The following STK35 variants were observed in gnomAD, a reference collection of about 807,000 sequenced individuals.
STK35 encodes serine/threonine-protein kinase 35.
Under a neutral mutation model 37.3 loss-of-function variants are expected in STK35, and 17 were observed. The observed-to-expected ratio is 0.46, with a 90% CI of 0.31 to 0.68. STK35 has a LOEUF of 0.68. Among genes scored for constraint, STK35 ranks in the 30% least tolerant of loss-of-function variants. The pLI, the probability that STK35 is intolerant of heterozygous loss-of-function variation, is 0.05. For synonymous variants in STK35, 385 were observed against 319.1 expected (o/e 1.21, Z -2.20); for missense variants, 595 against 746.7 (o/e 0.80, Z 2.37).
At chr20:2,134,805 C>T (rs929252871) in intron 3 of STK35, among the ~76,000 whole-genome samples, 1 of 152,036 alleles carries the variant, frequency 6.6e-6, no homozygotes, top group Non-Finnish European at 1.5e-5. Context: ...GCAGGAGAAT[C>T]GCTTGAACCC....
At chr20:2,103,496 C>T (rs1985450239) in intron 2 of STK35, 131 bp downstream of exon 2, 6 of 829,010 alleles carry the variant, frequency 7.2e-6, no homozygotes, top group African/African-American at 1.7e-5. Context: ...CCTGACACAC[C>T]CTCCTTTCCT....
chr20:2,143,420 A>G lies in STK35; in HGVS notation c.*38-364A>G, dbSNP rs1986202800. 2.0e-5 allele frequency among the ~76,000 whole-genome samples: 3 copies of G among 152,306 alleles called. No individual in the cohort carries two copies. In the South Asian group the frequency reaches 6.2e-4, roughly 32 times the overall value. Reference sequence around the variant, plus strand: ...AGCATGAGTGGAAGCAGTGCTGGCAAGGTCTGTGGGGACAGACTATCCAGG... The same window carrying G: ...AGCATGAGTGGAAGCAGTGCTGGCAGGGTCTGTGGGGACAGACTATCCAGG... On this transcript the variant is annotated intron_variant, in intron 3 of 3. Transcript: ENST00000381482.
intron 3 of STK35, among the ~76,000 whole-genome samples, chr20:2,137,038 C>T (rs1986099328): frequency 1.3e-5 from 2 of 152,296 alleles, no homozygotes; most frequent in East Asian, 3.9e-4. Flanking sequence ...GCTGTCACCT[C>T]AAGAGAAGAT....
rs1471025780 is a variant in STK35 at position 2,147,693 on chromosome 20, AGGTT to A, written c.*3951_*3954del. 2 of 152,096 alleles carry A rather than the reference AGGTT, an allele frequency of 1.3e-5. No homozygotes were observed. The highest frequency in any genetic ancestry group is 2.9e-5 in the Non-Finnish European group (2 of 68,166). The allele number at this position is 152,096 out of a possible 1,614,324, so 9.4% of individuals were successfully genotyped here. On this transcript the variant is annotated 3_prime_UTR_variant, in exon 4 of 4. Transcript: ENST00000381482. ...TGGGGGCGCTGGTGGCACTTACTCT[AGGTT>A]GGTCTCAGACTATCCCTCCCCTTGG...
At chr20:2,134,041 T>G (rs1161947391) in intron 3 of STK35, among the ~76,000 whole-genome samples, 1 of 152,044 alleles carries the variant, frequency 6.6e-6, no homozygotes, top group Non-Finnish European at 1.5e-5. Context: ...GGGGCGTGGA[T>G]TGAGCTTCAG....
At chr20:2,109,957 CTG>C (rs1402285160) in intron 2 of STK35, among the ~76,000 whole-genome samples, 3 of 152,246 alleles carry the variant, frequency 2.0e-5, no homozygotes, top group South Asian at 2.1e-4. Flanking sequence ...CTTTTGGACA[CTG>C]TGTTTTGCCC....
intron 2 of STK35, among the ~76,000 whole-genome samples, chr20:2,112,920 G>C (rs1985647198): frequency 6.6e-6 from 1 of 152,080 alleles, no homozygotes; most frequent in Non-Finnish European, 1.5e-5. Context: ...ATTTCATGTG[G>C]GGATTTTAGT....
intron 2 of STK35, among the ~76,000 whole-genome samples, chr20:2,106,181 AG>A (rs932648197): frequency 6.6e-6 from 1 of 152,230 alleles, no homozygotes; most frequent in African/African-American, 2.4e-5. Context: ...TCCAAAATTT[AG>A]GGGTCTTGAT....
rs1986260021 is a variant in STK35, at chr20:2,146,007, A to G, written c.*2261A>G. ...TTGTTATTTTTCTTGCTATCAGAGTAGCAAGAAACAGCACCCCTGTAGGTG... is the reference window on the plus strand; with the variant it reads ...TTGTTATTTTTCTTGCTATCAGAGTGGCAAGAAACAGCACCCCTGTAGGTG... On this transcript the variant is annotated 3_prime_UTR_variant, in exon 4 of 4. Transcript: ENST00000381482. 1 of 152,122 alleles carries G rather than the reference A, an allele frequency of 6.6e-6. No individual in the cohort carries two copies. Among genetic ancestry groups the G allele is most frequent in the African/African-American group, 2.4e-5 (1 of 41,420 alleles). The allele number at this position is 152,122 out of a possible 1,614,324, so 9.4% of individuals were successfully genotyped here.
At chr20:2,134,447 G>A (rs1029505404) in intron 3 of STK35, among the ~76,000 whole-genome samples, 8 of 152,280 alleles carry the variant, frequency 5.3e-5, no homozygotes, top group African/African-American at 1.9e-4. Flanking sequence ...TCTCACCTGT[G>A]CTGGGGGTGC....
intron 3 of STK35, among the ~76,000 whole-genome samples, chr20:2,119,677 T>A (rs1203675927): frequency 1.3e-5 from 2 of 152,202 alleles, no homozygotes; most frequent in African/African-American, 4.8e-5. Flanking sequence ...CTTAATATGG[T>A]GAGCTAGAAG....
rs769522943 is a variant in STK35, at chr20:2,116,653, T to C, written c.893-13T>C. The C allele has an allele frequency of 6.2e-7, 1 of 1,605,398 alleles. No individual in the cohort carries two copies. The highest frequency in any genetic ancestry group is 8.5e-7 in the Non-Finnish European group (1 of 1,174,338). On this transcript the variant is annotated splice_polypyrimidine_tract_variant and intron_variant, in intron 2 of 3. Coordinates refer to ENST00000381482, the MANE Select transcript of STK35 (RefSeq NM_080836.4). ...CATCTCACTCAAGCTCCTTCCTGTC[T>C]TCTTTGATTTAGGAGAAAGGATCCT...
At chr20:2,119,443 C>T (rs1459517106) in intron 3 of STK35, among the ~76,000 whole-genome samples, 1 of 152,108 alleles carries the variant, frequency 6.6e-6, no homozygotes, top group Non-Finnish European at 1.5e-5. Flanking sequence ...ACTGGAAAAC[C>T]CAAAGGTATT....
chr20:2,134,595 T>TA (rs1246274954), intron 3 of STK35, among the ~76,000 whole-genome samples: 2 of 152,144 alleles, frequency 1.3e-5, no homozygotes, highest in Non-Finnish European at 1.5e-5. Flanking sequence ...TTCTACCATT[T>TA]AAAAAATGCC....
At chr20:2,115,151 A>G (rs746310796) in intron 2 of STK35, among the ~76,000 whole-genome samples, 12 of 152,184 alleles carry the variant, frequency 7.9e-5, no homozygotes, top group Non-Finnish European at 1.6e-4. Flanking sequence ...ATTACAAGGG[A>G]AGTGAGGGCT....
chr20:2,142,429 C>T lies in STK35; in HGVS notation c.*38-1355C>T, dbSNP rs532520785. On this transcript the variant is annotated intron_variant, in intron 3 of 3. Transcript: ENST00000381482. ...CACAGGTGGCAAGTCATGGCAGCCA[C>T]GGTGCTGGCTCTGCCTGACAAAGAA... Among the ~76,000 whole-genome samples the T allele has an allele frequency of 3.4e-4, 52 of 152,292 alleles. 2 individuals are homozygous for T. In the South Asian group the frequency reaches 9.5e-3, roughly 28 times the overall value.
Position 2,102,086 on chromosome 20 carries a change from C to G in STK35, c.205C>G (p.Arg69Gly), listed in dbSNP as rs6112857. 582,660 of 1,507,822 alleles carry G rather than the reference C, an allele frequency of 0.39. 115,066 individuals are homozygous for G. Among genetic ancestry groups the G allele is most frequent in the Non-Finnish European group, 0.41 (464,701 of 1,131,790 alleles). The allele number at this position is 1,507,822 out of a possible 1,614,324, so 93.4% of individuals were successfully genotyped here. ...RAATSRAARS[R>G]RQPGPGADHP... ...CGCCACCTCCCGCGCTGCTCGGTCC[C>G]GGAGGCAGCCCGGGCCCGGAGCGGA... The change falls in exon 1 of 4, where the codon CGG becomes GGG. Residue 69 changes from arginine to glycine, a missense_variant. By Grantham distance (125) the Arg-to-Gly change is moderately radical. Transcript: ENST00000381482.
At chr20:2,123,842 C>T (rs1600610570) in intron 3 of STK35, among the ~76,000 whole-genome samples, 2 of 152,154 alleles carry the variant, frequency 1.3e-5, no homozygotes, top group African/African-American at 4.8e-5. Context: ...CAGGACTGCC[C>T]TCCCTTGCCT....
At chr20:2,139,614 A>T (rs1986140222) in intron 3 of STK35, among the ~76,000 whole-genome samples, 1 of 152,096 alleles carries the variant, frequency 6.6e-6, no homozygotes, top group East Asian at 1.9e-4. Context: ...CAGTTTTCTC[A>T]TCTCTAAGAC....
Sources: gnomAD v4.1 joint callset for allele counts (sites outside exome capture counted in the v4.1 genomes callset) on GRCh38, gnomAD v4.1.1 for gene constraint, MANE v1.5 for transcripts, NCBI Gene and HGNC (gene_info 2026-07-23, HGNC 2026-07-21) for gene names.